Variants in TMEM67 observed in about 807,000 individuals in gnomAD.
The protein encoded by TMEM67 is meckelin.
In TMEM67, 124 loss-of-function variants were observed where a neutral mutation model predicts 136.6. The observed-to-expected ratio is 0.91, with a 90% confidence interval of 0.78 to 1.05. The LOEUF (loss-of-function observed/expected upper bound fraction) is 1.05. Among genes scored for constraint, TMEM67 ranks in the 50% least tolerant of loss-of-function variants. TMEM67 has a pLI of 0.00. For missense variants in TMEM67, 1,107 were observed against 1,178.4 expected (o/e 0.94, Z 0.89); for synonymous variants, 364 against 390.5 (o/e 0.93, Z 0.80).
chr8:93,802,656 T>G (rs1017612386), intron 21 of TMEM67, among the ~76,000 whole-genome samples: 1 of 152,254 alleles, frequency 6.6e-6, no homozygotes. Flanking sequence ...AATTGTTCAC[T>G]CCTTTTATTT....
intron 26 of TMEM67, among the ~76,000 whole-genome samples, chr8:93,813,505 T>C (rs994133976): frequency 6.6e-6 from 1 of 152,140 alleles, no homozygotes; most frequent in Non-Finnish European, 1.5e-5. Flanking sequence ...CATCAAGAGA[T>C]GATGAGACTA....
downstream of TMEM67, among the ~76,000 whole-genome samples, chr8:93,818,618 G>T (rs1348326469): frequency 1.3e-5 from 2 of 152,162 alleles, no homozygotes; most frequent in South Asian, 2.1e-4. Flanking sequence ...TGGCTTAATG[G>T]AAAGTGCTCC....
intron 6 of TMEM67, among the ~76,000 whole-genome samples, chr8:93,767,974 C>T (rs1448333753): frequency 1.3e-5 from 2 of 150,456 alleles, no homozygotes; most frequent in Non-Finnish European, 3.0e-5. Context: ...CAAGTGGTTT[C>T]CCTGCCTCCG....
At chr8:93,757,160 T>C (rs977431137) in intron 2 of TMEM67, 2 of 151,802 alleles carry the variant, frequency 1.3e-5, no homozygotes, top group African/African-American at 4.8e-5. Flanking sequence ...TTGCCAAATA[T>C]AGGAGTATTT....
intron 13 of TMEM67, 112 bp downstream of exon 13, chr8:93,786,458 G>T (rs1814110030): frequency 1.2e-5 from 14 of 1,215,780 alleles, no homozygotes; most frequent in Admixed American, 1.9e-5. Flanking sequence ...AGTTGGTCGG[G>T]TTATTTTAGG....
chr8:93,785,363 A>T lies in TMEM67; in HGVS notation c.1273A>T (p.Ile425Leu). ...AAACCTAAATCTTCAACATAATAAG[A>T]TATTTGTGAACCAAGGTAAGACATC... is the stretch of plus-strand genomic sequence containing the variant. ...VLNLNLQHNK[I>L]FVNQDSNSGK... Residue 425 changes from isoleucine to leucine, a missense_variant, in exon 12 of 28, where the codon ATA becomes TTA. By Grantham distance (5) the Ile-to-Leu change is conservative (BLOSUM62 2). Transcript: ENST00000453321. 1 of 1,612,682 alleles carries T rather than the reference A, an allele frequency of 6.2e-7. No individual in the cohort carries two copies. Among genetic ancestry groups the T allele is most frequent in the Admixed American group, 1.7e-5 (1 of 59,992 alleles).
At chr8:93,804,312 T>C (rs952309375) in intron 22 of TMEM67, among the ~76,000 whole-genome samples, 1 of 35,336 alleles carries the variant, frequency 2.8e-5, no homozygotes, top group African/African-American at 1.0e-4. Flanking sequence ...TTTCTTTTCT[T>C]TTTTTTTTTT....
At chr8:93,799,368 C>T (rs1399496247) in intron 20 of TMEM67, among the ~76,000 whole-genome samples, 1 of 151,984 alleles carries the variant, frequency 6.6e-6, no homozygotes, top group Non-Finnish European at 1.5e-5. Flanking sequence ...GTGTGTATGA[C>T]AATAAGGTTA....
chr8:93,761,711 A>G (rs2130563938), intron 3 of TMEM67, among the ~76,000 whole-genome samples: 1 of 152,358 alleles, frequency 6.6e-6, no homozygotes, highest in East Asian at 1.9e-4. Flanking sequence ...ATATTGAGTA[A>G]AAAAGCAAGA....
At chr8:93,760,716 A>T (rs1269572604) in intron 3 of TMEM67, among the ~76,000 whole-genome samples, 4 of 151,878 alleles carry the variant, frequency 2.6e-5, no homozygotes, top group African/African-American at 9.7e-5. Context: ...AGAAGAAAAA[A>T]TTGGTAAATT....
the TMEM67 span, among the ~76,000 whole-genome samples, chr8:93,829,410 GTA>G: frequency 2.0e-5 from 3 of 151,328 alleles, no homozygotes; most frequent in Non-Finnish European, 2.9e-5. Context: ...GTGTGTGTGT[GTA>G]TCTTTTCACT....
At chr8:93,800,664 A>G (rs773190802) in intron 21 of TMEM67, among the ~76,000 whole-genome samples, 1 of 152,178 alleles carries the variant, frequency 6.6e-6, no homozygotes, top group Non-Finnish European at 1.5e-5. Flanking sequence ...GTGACTAGTA[A>G]CTGACAGAAC....
chr8:93,781,088 G>A, intron 9 of TMEM67, 106 bp downstream of exon 9: 1 of 752,772 alleles, frequency 1.3e-6, no homozygotes, highest in Non-Finnish European at 2.3e-6. Context: ...TACAAACTCA[G>A]TTACTAAACT....
In TMEM67 at chr8:93,808,940, A is replaced by C; in HGVS notation, c.2540A>C (p.His847Pro). Residue 847 changes from histidine to proline, a missense_variant, in exon 24 of 28, where the codon CAT (histidine) becomes CCT (proline). Physicochemically the swap from His to Pro is moderately conservative, Grantham distance 77. This residue lies in a region of TMEM67 where 925 missense variants were observed against 1,002.4 expected (regional missense o/e 0.92). Transcript: ENST00000453321. Reference protein sequence around the residue: ...NQMRQHYDRIHETLIRKNGPA... With the variant: ...NQMRQHYDRIPETLIRKNGPA... ...ATGAGACAACATTATGACAGAATTC[A>C]TGAGACACTAATAAGGGTTTGTATA... 2 of 1,602,514 alleles carry C rather than the reference A, an allele frequency of 1.2e-6. No individual in the cohort carries two copies. Among genetic ancestry groups the C allele is most frequent in the Non-Finnish European group, 1.7e-6 (2 of 1,169,644 alleles).
At chr8:93,797,970 A>G (rs528713654) in intron 20 of TMEM67, among the ~76,000 whole-genome samples, 1 of 152,350 alleles carries the variant, frequency 6.6e-6, no homozygotes, top group East Asian at 1.9e-4. Context: ...CAGAAAGAGC[A>G]AAACTCCATC....
intron 20 of TMEM67, 145 bp downstream of exon 20, chr8:93,797,615 T>C (rs944121657): frequency 1.3e-6 from 1 of 765,432 alleles, no homozygotes; most frequent in Non-Finnish European, 2.1e-6. Context: ...AAGGAGTACC[T>C]TTATGTTACG....
the TMEM67 span, among the ~76,000 whole-genome samples, chr8:93,829,637 T>C: frequency 6.6e-6 from 1 of 152,202 alleles, no homozygotes; most frequent in African/African-American, 2.4e-5. Context: ...AAGCGTTCTG[T>C]GACTTTTTTT....
the TMEM67 span, among the ~76,000 whole-genome samples, chr8:93,826,123 C>CTTT: frequency 0.01 from 548 of 52,358 alleles, 151 homozygotes; most frequent in Non-Finnish European, 0.015. Context: ...TTAATCATGT[C>CTTT]TTTTTTTTTT....
intron 16 of TMEM67, chr8:93,794,881 C>A: frequency 6.2e-6 from 1 of 160,314 alleles, no homozygotes; most frequent in Admixed American, 6.0e-5. Flanking sequence ...AAAACAATGC[C>A]CATTTTATTC....
Sources: gnomAD v4.1 joint callset for allele counts (sites outside exome capture counted in the v4.1 genomes callset) on GRCh38, gnomAD v4.1.1 for gene constraint, gnomAD v4.1.1 regional missense constraint, MANE v1.5 for transcripts, NCBI Gene and HGNC (gene_info 2026-07-23, HGNC 2026-07-21) for gene names.